GEN1: variants seen among roughly 807,000 people sequenced by gnomAD.
GEN1 encodes the protein GEN1 structure-specific endonuclease.
In GEN1, 64 loss-of-function variants were observed where a neutral mutation model predicts 67.6. That is an observed-to-expected ratio of 0.95 (90% confidence interval 0.77 to 1.17). GEN1 has a LOEUF of 1.17. GEN1 is among the 50% of genes most tolerant of loss of function. The probability of loss-of-function intolerance (pLI) is 0.00; values close to 1 mark genes in which losing one functional copy is unlikely to be tolerated. For synonymous variants in GEN1, 371 were observed against 359.4 expected (o/e 1.03, Z -0.37); for missense variants, 1,058 against 1,048.3 (o/e 1.01, Z -0.13).
rs1183149530 is a variant in GEN1 at position 17,783,185 on chromosome 2, G to A, written c.*1246G>A. On this transcript the variant is annotated 3_prime_UTR_variant, in exon 14 of 14. Transcript: ENST00000381254. ...CAATTCACATGCCTCAGCCACCTGA[G>A]TAGCAGGGATTACAGGTGTGTGCCA... is the stretch of plus-strand genomic sequence containing the variant. 2 of 152,372 alleles carry A rather than the reference G, an allele frequency of 1.3e-5. No homozygotes were observed. The highest frequency in any genetic ancestry group is 1.5e-5 in the Non-Finnish European group (1 of 68,200). The allele number at this position is 152,372 out of a possible 1,614,324, so 9.4% of individuals were successfully genotyped here.
In GEN1 at chr2:17,760,066, C is replaced by T. The variant is rs1195132743; in HGVS notation, c.123C>T (p.Val41=). 6.2e-7 allele frequency: 1 copy of T among 1,612,972 alleles called. No homozygotes were observed. The highest frequency in any genetic ancestry group is 8.5e-7 in the Non-Finnish European group (1 of 1,179,640). ...LSLWVCEAQT[V]KKMMGSVMKP... is the part of the protein sequence containing the mutation. Reference sequence around the variant, plus strand: ...TCTGGGTGTGTGAGGCACAGACAGTCAAAAAAATGATGGGCAGCGTCATGA... The same window carrying T: ...TCTGGGTGTGTGAGGCACAGACAGTTAAAAAAATGATGGGCAGCGTCATGA... Residue 41 remains valine (V), a synonymous_variant, in exon 2 of 14, where the codon GTC becomes GTT. Transcript: ENST00000381254.
rs1672843690 is a variant in GEN1 at position 17,781,654 on chromosome 2, G to C, written c.2442G>C (p.Lys814Asn). ...EQSAPVFGKA[K>N]YTTQRMKHSS... ...GTGCCCCAGTGTTTGGGAAAGCTAA[G>C]TACACAACTCAAAGAATGAAGCACA... is the stretch of plus-strand genomic sequence containing the variant. The change falls in exon 14 of 14, where the codon AAG becomes AAC. Residue 814 changes from lysine to asparagine, a missense_variant. Coordinates refer to ENST00000381254, the MANE Select transcript of GEN1 (RefSeq NM_001130009.3). 1 of 1,613,874 alleles carries C rather than the reference G, an allele frequency of 6.2e-7. No homozygotes were observed. Among genetic ancestry groups the C allele is most frequent in the South Asian group, 1.1e-5 (1 of 91,080 alleles).
chr2:17,755,201 G>A (rs551364820), intron 1 of GEN1: 1 of 152,342 alleles, frequency 6.6e-6, no homozygotes, highest in African/African-American at 2.4e-5. Flanking sequence ...ATCTGGCCTT[G>A]TTGTAACCAA....
intron 5 of GEN1, 44 bp from the exon 6 acceptor site, chr2:17,768,694 T>A: frequency 7.5e-7 from 1 of 1,340,598 alleles, no homozygotes; most frequent in Non-Finnish European, 1.1e-6. Context: ...TAACCATTCC[T>A]AGTGATTAAC....
chr2:17,778,930 C>CT (rs543005960), intron 12 of GEN1, among the ~76,000 whole-genome samples: 15 of 151,360 alleles, frequency 9.9e-5, no homozygotes, highest in African/African-American at 2.2e-4. Flanking sequence ...AGTAATAATA[C>CT]TTTTTTTTTG....
rs1186849886 is a variant in GEN1 at position 17,761,628 on chromosome 2, G to T, written c.348+46G>T. 3.7e-6 allele frequency: 5 copies of T among 1,348,456 alleles called. No homozygotes were observed. In the East Asian group the frequency reaches 7.0e-5, roughly 19 times the overall value. The allele number at this position is 1,348,456 out of a possible 1,614,324, so 83.5% of individuals were successfully genotyped here. A position where few individuals can be genotyped will look rare whatever the true frequency, so the allele number is the denominator to read the frequency against. On this transcript the variant is annotated intron_variant, in intron 3 of 13. Coordinates refer to ENST00000381254, the MANE Select transcript of GEN1 (RefSeq NM_001130009.3). Reference sequence around the variant, plus strand: ...CAGTAATTCCGATTTGAATTAAAGGGTGCATTTTACTCTTAATAGTTTGTC... The same window carrying T: ...CAGTAATTCCGATTTGAATTAAAGGTTGCATTTTACTCTTAATAGTTTGTC...
chr2:17,774,170 A>G (rs1448307642), intron 10 of GEN1, 101 bp from the exon 11 acceptor site: 1 of 531,496 alleles, frequency 1.9e-6, no homozygotes, highest in Non-Finnish European at 3.1e-6. Flanking sequence ...TACTACTTTA[A>G]CTTACGTTAA....
intron 3 of GEN1, among the ~76,000 whole-genome samples, 200 bp from the exon 4 acceptor site, chr2:17,764,697 G>A (rs1671840313): frequency 2.0e-5 from 3 of 152,096 alleles, no homozygotes; most frequent in African/African-American, 7.2e-5. Context: ...ATTAGCACAC[G>A]TAAAAGTTTG....
In GEN1 at chr2:17,782,197, G is replaced by A; in HGVS notation, c.*258G>A. Reference sequence around the variant, plus strand: ...CCTTAATTGTAGTTTTAAAATATTGGTATAGTACTTGACAGAGTAAATACT... The same window carrying A: ...CCTTAATTGTAGTTTTAAAATATTGATATAGTACTTGACAGAGTAAATACT... On this transcript the variant is annotated 3_prime_UTR_variant, in exon 14 of 14. Transcript: ENST00000381254. 1 of 290,620 alleles carries A rather than the reference G, an allele frequency of 3.4e-6. No individual in the cohort carries two copies. The highest frequency in any genetic ancestry group is 6.3e-6 in the Non-Finnish European group (1 of 157,552). 18.0% of individuals were successfully genotyped at this position (290,620 alleles called of 1,614,324 possible). A position where few individuals can be genotyped will look rare whatever the true frequency, so the allele number is the denominator to read the frequency against.
rs1007797322 is a variant in GEN1 at position 17,772,545 on chromosome 2, G to T, written c.803-89G>T. 5.9e-5 allele frequency: 72 copies of T among 1,219,102 alleles called. 2 individuals are homozygous for T. The South Asian group carries it at 8.7e-4, about 15-fold the overall frequency. 75.5% of individuals were successfully genotyped at this position (1,219,102 alleles called of 1,614,324 possible). A position where few individuals can be genotyped will look rare whatever the true frequency, so the allele number is the denominator to read the frequency against. On this transcript the variant is annotated intron_variant, in intron 7 of 13. Coordinates refer to ENST00000381254, the MANE Select transcript of GEN1 (RefSeq NM_001130009.3). ...TAGTGTGCTAGGCAATATTAATTTT[G>T]GAAAATTTAGATACTGGCAAAAAGA...
chr2:17,753,438 C>T (rs1004298585), upstream of GEN1, among the ~76,000 whole-genome samples: 3 of 104,836 alleles, frequency 2.9e-5, no homozygotes, highest in South Asian at 2.5e-4. Context: ...GCGAAGGTGC[C>T]GCCGGCCGCC....
In GEN1 at chr2:17,780,073, G is replaced by C; in HGVS notation, c.1360G>C (p.Ala454Pro). Residue 454 changes from alanine (A) to proline (P), a missense_variant, in exon 13 of 14, where the codon GCT (alanine) becomes CCT (proline). Coordinates refer to ENST00000381254, the MANE Select transcript of GEN1 (RefSeq NM_001130009.3). ...TGAAGCAGCATATCCTGAGATCGTT[G>C]CTGTTTACCAAAAACAAAAGTTAGA... ...LFEAAYPEIV[A>P]VYQKQKLEIK... is the part of the protein sequence containing the mutation. The C allele has an allele frequency of 6.2e-6, 10 of 1,612,288 alleles. No homozygotes were observed. Among genetic ancestry groups the C allele is most frequent in the Non-Finnish European group, 8.5e-6 (10 of 1,179,096 alleles).
chr2:17,760,499 G>A (rs778212108), intron 2 of GEN1, among the ~76,000 whole-genome samples: 3 of 152,158 alleles, frequency 2.0e-5, no homozygotes, highest in Non-Finnish European at 2.9e-5. Flanking sequence ...CTCAGTCTAT[G>A]CCAACCTCAT....
chr2:17,758,378 A>T (rs185593209), intron 1 of GEN1, among the ~76,000 whole-genome samples: 22 of 152,350 alleles, frequency 1.4e-4, no homozygotes, highest in Admixed American at 2.6e-4. Context: ...AAAACTGTCA[A>T]TAACTTTCTT....
rs1164735428 is a variant in GEN1 at position 17,758,853 on chromosome 2, C to CA, written c.-15-1060dup. 4.8e-3 allele frequency among the ~76,000 whole-genome samples: 420 copies of CA among 87,156 alleles called. 2 individuals carry two copies. Among genetic ancestry groups the CA allele is most frequent in the African/African-American group, 8.9e-3 (202 of 22,658 alleles). 57.2% of individuals were successfully genotyped at this position (87,156 alleles called of 152,430 possible). On this transcript the variant is annotated intron_variant, in intron 1 of 13. Coordinates refer to ENST00000381254, the MANE Select transcript of GEN1 (RefSeq NM_001130009.3). ...AGCGTGACAGAGCGAGACCCTGTCT[C>CA]AAAAAAAAAAAAAAAAGGAATAATA...
upstream of GEN1, chr2:17,753,670 T>C (rs897304658): frequency 6.1e-4 from 93 of 152,312 alleles, no homozygotes; most frequent in African/African-American, 1.6e-3. Flanking sequence ...TCGGCGGGGC[T>C]GCCGTGGTAC....
chr2:17,754,947 C>A (rs766838584), intron 1 of GEN1: 5 of 152,186 alleles, frequency 3.3e-5, no homozygotes, highest in African/African-American at 1.2e-4. Context: ...ATATGCTGAC[C>A]TAACAAGTAA....
In GEN1 at chr2:17,788,791, G is replaced by A. The variant is rs113947867; in HGVS notation, c.*6852G>A. 8.7e-3 allele frequency: 1,326 copies of A among 152,304 alleles called. 30 individuals are homozygous for A. Among genetic ancestry groups the A allele is most frequent in the African/African-American group, 0.03 (1,258 of 41,564 alleles). 9.4% of individuals were successfully genotyped at this position (152,304 alleles called of 1,614,324 possible). A position where few individuals can be genotyped will look rare whatever the true frequency, so the allele number is the denominator to read the frequency against. ...TTTAATAAATGCTTTCAATCTGAAAGTCAGAAAGTGATTTATGAAACACCC... is the reference window on the plus strand; with the variant it reads ...TTTAATAAATGCTTTCAATCTGAAAATCAGAAAGTGATTTATGAAACACCC... On this transcript the variant is annotated 3_prime_UTR_variant, in exon 14 of 14. Coordinates refer to ENST00000381254, the MANE Select transcript of GEN1 (RefSeq NM_001130009.3).
intron 13 of GEN1, among the ~76,000 whole-genome samples, 189 bp downstream of exon 13, chr2:17,780,310 C>G (rs1409293183): frequency 2.0e-5 from 3 of 152,162 alleles, no homozygotes; most frequent in Non-Finnish European, 4.4e-5. Flanking sequence ...ATAAATCATT[C>G]TGTTCTGTCT....
Sources: gnomAD v4.1 joint callset for allele counts (sites outside exome capture counted in the v4.1 genomes callset) on GRCh38, gnomAD v4.1.1 for gene constraint, MANE v1.5 for transcripts, NCBI Gene and HGNC (gene_info 2026-07-23, HGNC 2026-07-21) for gene names.